Variants in CNBD1 observed in about 807,000 individuals in gnomAD.
CNBD1 encodes the protein cyclic nucleotide-binding domain-containing protein 1.
Under a neutral mutation model 54.4 loss-of-function variants are expected in CNBD1, and 71 were observed. The ratio of observed to expected loss-of-function variants is 1.30; its 90% CI spans 1.08 to 1.59. The LOEUF is 1.59. Among genes scored for constraint, CNBD1 ranks in the 40% most tolerant of loss-of-function variants. The pLI is 0.00. For synonymous variants in CNBD1, 182 were observed against 170.7 expected (o/e 1.07, Z -0.51); for missense variants, 659 against 518.0 (o/e 1.27, Z -2.64).
chr8:87,121,886 G>GTA (rs1225820291), intron 4 of CNBD1, among the ~76,000 whole-genome samples: 28 of 150,780 alleles, frequency 1.9e-4, no homozygotes, highest in South Asian at 6.3e-4. Flanking sequence ...TTGTGTGTGT[G>GTA]TATATATATA....
intron 1 of CNBD1, among the ~76,000 whole-genome samples, chr8:86,875,430 C>G (rs528275159): frequency 3.9e-5 from 6 of 152,030 alleles, no homozygotes; most frequent in Non-Finnish European, 7.4e-5. Context: ...ACTCACTGTT[C>G]GAGGAAAAAG....
chr8:86,883,202 G>A (rs956725892), intron 1 of CNBD1, among the ~76,000 whole-genome samples: 1 of 152,022 alleles, frequency 6.6e-6, no homozygotes, highest in African/African-American at 2.4e-5. Context: ...AAATAGATTG[G>A]TGACAAAGTT....
At chr8:87,057,575 G>A (rs546851560) in intron 4 of CNBD1, among the ~76,000 whole-genome samples, 16 of 152,306 alleles carry the variant, frequency 1.1e-4, no homozygotes, top group Admixed American at 2.6e-4. Context: ...ATGGTTGGGC[G>A]CAGTGGCCCA....
At chr8:87,404,767 T>C (rs1275108485) in intron 2 of CNBD1, among the ~76,000 whole-genome samples, 1 of 152,146 alleles carries the variant, frequency 6.6e-6, no homozygotes, top group East Asian at 1.9e-4. Context: ...ATAACTATCA[T>C]TTAATTTACT....
At chr8:86,911,577 TTATC>T (rs1353200775) in intron 3 of CNBD1, among the ~76,000 whole-genome samples, 1 of 152,218 alleles carries the variant, frequency 6.6e-6, no homozygotes, top group Admixed American at 6.5e-5. Flanking sequence ...CCTTAAACAT[TTATC>T]TATGCTGGGA....
Position 87,016,147 on chromosome 8 carries a change from A to G in CNBD1, c.431+76393A>G, listed in dbSNP as rs552581488. On this transcript the variant is annotated intron_variant, in intron 4 of 10. Coordinates refer to ENST00000518476, the MANE Select transcript of CNBD1 (RefSeq NM_173538.3). ...ATCAGATTGGCAAAAGCTAGCTCAGATGCCTCTTAATTTATATAACCTTAG... is the reference window on the plus strand; with the variant it reads ...ATCAGATTGGCAAAAGCTAGCTCAGGTGCCTCTTAATTTATATAACCTTAG... 1.4e-3 allele frequency among the ~76,000 whole-genome samples: 208 copies of G among 152,078 alleles called. 2 individuals carry two copies. The highest frequency in any genetic ancestry group is 9.1e-3 in the South Asian group (44 of 4,820).
intron 2 of CNBD1, among the ~76,000 whole-genome samples, chr8:86,897,857 C>T (rs528941800): frequency 6.6e-6 from 1 of 152,132 alleles, no homozygotes; most frequent in East Asian, 1.9e-4. Context: ...CTAAAAGTAC[C>T]TCTTAGTATT....
At chr8:86,988,317 G>T (rs1172116388) in intron 4 of CNBD1, among the ~76,000 whole-genome samples, 1 of 151,808 alleles carries the variant, frequency 6.6e-6, no homozygotes, top group Non-Finnish European at 1.5e-5. Context: ...AGTCTCTGAG[G>T]ATCTTTTGTG....
At chr8:86,919,575 A>G (rs1359910478) in intron 3 of CNBD1, among the ~76,000 whole-genome samples, 1 of 152,188 alleles carries the variant, frequency 6.6e-6, no homozygotes, top group Non-Finnish European at 1.5e-5. Context: ...TACAAAACGT[A>G]TACTCCTGAG....
chr8:86,982,732 A>C (rs894290515), intron 4 of CNBD1, among the ~76,000 whole-genome samples: 1 of 152,154 alleles, frequency 6.6e-6, no homozygotes, highest in African/African-American at 2.4e-5. Context: ...GAGTTATCCC[A>C]TCTTACCTTC....
intron 10 of CNBD1, among the ~76,000 whole-genome samples, chr8:87,377,760 G>C (rs1810981613): frequency 1.4e-5 from 2 of 142,966 alleles, no homozygotes; most frequent in Admixed American, 7.0e-5. Context: ...CTAGTTTACA[G>C]TCCCACCAAC....
Position 87,426,335 on chromosome 8 carries a change from G to T in CNBD1, c.214-2211G>T, listed in dbSNP as rs1462671990. ...GAGCTGTTCCTATTCGGCCATCTTG[G>T]CTCTTCCCTGTTTGCTTGATTTTCT... On this transcript the variant is annotated intron_variant, in intron 2 of 7. Transcript: ENST00000521593. Among the ~76,000 whole-genome samples, 5 of 152,144 alleles carry T rather than the reference G, an allele frequency of 3.3e-5. No homozygotes were observed. In the East Asian group the frequency reaches 5.8e-4, roughly 18 times the overall value.
At chr8:86,951,226 A>AATATCAG (rs1485252895) in intron 4 of CNBD1, among the ~76,000 whole-genome samples, 1 of 152,156 alleles carries the variant, frequency 6.6e-6, no homozygotes, top group Non-Finnish European at 1.5e-5. Flanking sequence ...AAATAGATTT[A>AATATCAG]ATATCAGGTA....
At chr8:86,940,158 G>GTGTC in intron 4 of CNBD1, among the ~76,000 whole-genome samples, 1 of 117,978 alleles carries the variant, frequency 8.5e-6, no homozygotes, top group East Asian at 2.5e-4. Context: ...TTTTGAGACT[G>GTGTC]TTGCTCTTGT....
At chr8:87,176,543 G>A (rs2130773456) in intron 4 of CNBD1, among the ~76,000 whole-genome samples, 1 of 150,268 alleles carries the variant, frequency 6.7e-6, no homozygotes, top group East Asian at 2.0e-4. Flanking sequence ...GAGTGCAGTG[G>A]CACAATCTCG....
intron 4 of CNBD1, among the ~76,000 whole-genome samples, chr8:87,072,261 C>T (rs891078482): frequency 2.2e-4 from 33 of 152,150 alleles, no homozygotes; most frequent in African/African-American, 7.9e-4. Context: ...GCTCTTCATC[C>T]AGCTTGCCAT....
At chr8:87,008,854 T>A (rs915136744) in intron 4 of CNBD1, among the ~76,000 whole-genome samples, 1 of 152,206 alleles carries the variant, frequency 6.6e-6, no homozygotes, top group Non-Finnish European at 1.5e-5. Context: ...AGTAGTTTGC[T>A]TGGGTACAAA....
intron 5 of CNBD1, among the ~76,000 whole-genome samples, chr8:87,218,315 G>T (rs1814255743): frequency 6.6e-6 from 1 of 152,022 alleles, no homozygotes; most frequent in African/African-American, 2.4e-5. Context: ...ACGCAGTACT[G>T]ATCTAAAGTT....
At chr8:86,928,496 A>G (rs1809402705) in intron 3 of CNBD1, among the ~76,000 whole-genome samples, 1 of 152,190 alleles carries the variant, frequency 6.6e-6, no homozygotes, top group Non-Finnish European at 1.5e-5. Context: ...ATGACTTTAA[A>G]AGCCAGACCA....
Sources: allele counts gnomAD v4.1 joint callset (sites outside exome capture counted in the v4.1 genomes callset), GRCh38; gene constraint gnomAD v4.1.1; transcripts MANE v1.5; gene names NCBI Gene and HGNC (gene_info 2026-07-23, HGNC 2026-07-21).